Variants in SV2C observed in about 807,000 individuals in gnomAD.
SV2C encodes the protein solute carrier family 22 member B3.
Under a neutral mutation model 79.7 loss-of-function variants are expected in SV2C, and 49 were observed. The ratio of observed to expected loss-of-function variants is 0.61; its 90% CI spans 0.49 to 0.78. The LOEUF (loss-of-function observed/expected upper bound fraction) is 0.78. SV2C is among the 30% of genes least tolerant of loss of function. SV2C has a pLI of 0.00. For synonymous variants in SV2C, 334 were observed against 333.2 expected (o/e 1.00, Z -0.03); for missense variants, 833 against 912.9 (o/e 0.91, Z 1.13).
intron 1 of SV2C, among the ~76,000 whole-genome samples, chr5:76,129,986 T>C (rs1748825743): frequency 6.6e-6 from 1 of 151,854 alleles, no homozygotes; most frequent in Non-Finnish European, 1.5e-5. Flanking sequence ...GAAATGTCTC[T>C]CAACTTCATC....
chr5:76,018,367 C>G, the SV2C span, among the ~76,000 whole-genome samples: 1 of 152,102 alleles, frequency 6.6e-6, no homozygotes, highest in Non-Finnish European at 1.5e-5. Context: ...TAATCATAAT[C>G]ACGGGCCTTT....
chr5:75,950,423 A>G, the SV2C span, among the ~76,000 whole-genome samples: 1 of 152,050 alleles, frequency 6.6e-6, no homozygotes, highest in African/African-American at 2.4e-5. Context: ...TGAAATTTAT[A>G]AAACGATGAA....
At chr5:75,983,961 T>C in the SV2C span, among the ~76,000 whole-genome samples, 16 of 152,116 alleles carry the variant, frequency 1.1e-4, no homozygotes, top group Non-Finnish European at 1.8e-4. Context: ...AAGAGACAGA[T>C]GGAGGAGACA....
chr5:75,953,835 T>C, the SV2C span, among the ~76,000 whole-genome samples: 1 of 151,976 alleles, frequency 6.6e-6, no homozygotes, highest in Non-Finnish European at 1.5e-5. Context: ...AAAATGTACC[T>C]TTTCTTGGCT....
At chr5:75,897,270 T>C in the SV2C span, among the ~76,000 whole-genome samples, 4 of 151,858 alleles carry the variant, frequency 2.6e-5, no homozygotes, top group Non-Finnish European at 5.9e-5. Flanking sequence ...GGATCCAGTT[T>C]CAGCTTTCTA....
At chr5:76,082,088 G>C (rs1295488580), upstream of SV2C, 1 of 152,312 alleles carries the variant, frequency 6.6e-6, no homozygotes, top group Non-Finnish European at 1.5e-5. Context: ...TTGGCGCGGC[G>C]CTTTGTCTCG....
At chr5:75,943,331 T>C in the SV2C span, among the ~76,000 whole-genome samples, 2 of 152,186 alleles carry the variant, frequency 1.3e-5, no homozygotes, top group East Asian at 3.9e-4. Context: ...GTTTTTCTCC[T>C]GAATGGCAAA....
chr5:75,973,188 G>T, the SV2C span, among the ~76,000 whole-genome samples: 72 of 152,002 alleles, frequency 4.7e-4, no homozygotes, highest in African/African-American at 1.6e-3. Context: ...GGGTGGGGAA[G>T]GGGGGAGGGA....
the SV2C span, among the ~76,000 whole-genome samples, chr5:75,994,033 T>C: frequency 1.3e-5 from 2 of 152,166 alleles, no homozygotes; most frequent in Admixed American, 6.6e-5. Context: ...ATCCCAATGA[T>C]AGTCTACAAT....
chr5:76,164,118 C>T (rs115245508), intron 2 of SV2C, among the ~76,000 whole-genome samples: 252 of 152,300 alleles, frequency 1.7e-3, no homozygotes, highest in African/African-American at 5.2e-3. Context: ...CTTAAGTCAG[C>T]TGTCAAGTTT....
chr5:75,971,526 C>A, the SV2C span, among the ~76,000 whole-genome samples: 1 of 151,988 alleles, frequency 6.6e-6, no homozygotes, highest in African/African-American at 2.4e-5. Flanking sequence ...TCTTATACAC[C>A]AATAACAGAC....
intron 12 of SV2C, among the ~76,000 whole-genome samples, chr5:76,312,193 A>G (rs1376072599): frequency 6.8e-6 from 1 of 146,352 alleles, no homozygotes; most frequent in African/African-American, 2.6e-5. Flanking sequence ...TGCTGCCACT[A>G]TGTGGCTGTG....
At chr5:75,997,304 A>G in the SV2C span, among the ~76,000 whole-genome samples, 1,961 of 152,284 alleles carry the variant, frequency 0.013, 40 homozygotes, top group African/African-American at 0.043. Flanking sequence ...CTACAACACC[A>G]AAAGCAATGG....
chr5:76,041,738 A>G, the SV2C span, among the ~76,000 whole-genome samples: 408 of 152,300 alleles, frequency 2.7e-3, 1 homozygote, highest in Non-Finnish European at 3.8e-3. Context: ...ATCTAAGTGC[A>G]AGATCTGCCC....
At chr5:76,252,368 C>T (rs904519775) in intron 4 of SV2C, among the ~76,000 whole-genome samples, 6 of 152,120 alleles carry the variant, frequency 3.9e-5, no homozygotes, top group Non-Finnish European at 5.9e-5. Flanking sequence ...TGATCCTACC[C>T]GCCTTGGCCT....
chr5:76,177,166 T>C (rs1228749739), intron 2 of SV2C, among the ~76,000 whole-genome samples: 1 of 148,236 alleles, frequency 6.7e-6, no homozygotes, highest in African/African-American at 2.5e-5. Flanking sequence ...TATTTAATAA[T>C]CAATTATATT....
intron 2 of SV2C, among the ~76,000 whole-genome samples, chr5:76,168,365 C>T (rs759708164): frequency 1.2e-4 from 19 of 152,022 alleles, no homozygotes; most frequent in Non-Finnish European, 8.8e-5. Flanking sequence ...GTAGCTGCCC[C>T]CACCCCTGCC....
intron 1 of SV2C, among the ~76,000 whole-genome samples, chr5:76,101,793 G>A (rs935763178): frequency 2.6e-5 from 4 of 152,178 alleles, no homozygotes; most frequent in Admixed American, 2.0e-4. Flanking sequence ...ATTGGCACAT[G>A]AATGTCTCTG....
At chr5:76,340,246 C>A (rs1390017165) in intron 12 of SV2C, among the ~76,000 whole-genome samples, 1 of 152,202 alleles carries the variant, frequency 6.6e-6, no homozygotes, top group African/African-American at 2.4e-5. Flanking sequence ...ATAATCCACC[C>A]CTTGTTTAGC....
Sources: allele counts gnomAD v4.1 joint callset (sites outside exome capture counted in the v4.1 genomes callset), GRCh38; gene constraint gnomAD v4.1.1; transcripts MANE v1.5; gene names NCBI Gene and HGNC (gene_info 2026-07-23, HGNC 2026-07-21).